CEP290: variants seen among roughly 807,000 people sequenced by gnomAD.
CEP290 encodes centrosomal protein of 290 kDa.
A neutral mutation model predicts 344.9 loss-of-function variants in CEP290; 317 were observed. The ratio of observed to expected loss-of-function variants is 0.92; its 90% CI spans 0.84 to 1.01. The LOEUF (loss-of-function observed/expected upper bound fraction) is 1.01, where lower values mean the gene tolerates loss of function less well. CEP290 is among the 50% of genes least tolerant of loss of function. CEP290 has a pLI of 0.00. For synonymous variants in CEP290, 932 were observed against 895.8 expected, an observed-to-expected ratio of 1.04 and a Z score of -0.72; for missense variants, 2,754 against 2,761.4, an observed-to-expected ratio of 1.00 and a Z score of 0.06.
chr12:88,133,306 T>G lies in CEP290; in HGVS notation c.442-2088A>C, dbSNP rs12305587. On this transcript the variant is annotated intron_variant, in intron 6 of 53. Coordinates refer to ENST00000552810, the MANE Select transcript of CEP290 (RefSeq NM_025114.4). ...TTCACCATACTGGCCAGGCTGGTCT[T>G]GAACTCCTGACCTCAAGTGATCTGC... 4.5e-3 allele frequency among the ~76,000 whole-genome samples: 682 copies of G among 152,026 alleles called. 7 individuals carry two copies. Among genetic ancestry groups the G allele is most frequent in the African/African-American group, 0.016 (663 of 41,496 alleles).
chr12:88,055,519 A>G, intron 50 of CEP290, 57 bp downstream of exon 50: 1 of 1,434,032 alleles, frequency 7.0e-7, no homozygotes, highest in Non-Finnish European at 9.4e-7. Flanking sequence ...CAATGCAAGG[A>G]ACATCTTGCG....
chr12:88,061,048 A>G, intron 46 of CEP290, 54 bp from the exon 47 acceptor site: 2 of 1,290,914 alleles, frequency 1.5e-6, no homozygotes, highest in Non-Finnish European at 2.1e-6. Flanking sequence ...GTATAATACG[A>G]AGTACCAACA....
intron 13 of CEP290, 136 bp from the exon 14 acceptor site, chr12:88,121,302 A>T: frequency 1.5e-6 from 1 of 658,714 alleles, no homozygotes; most frequent in African/African-American, 1.8e-5. Context: ...TATTTGTAAG[A>T]TGAAAGTTTT....
At chr12:88,112,126 G>A (rs1299306405) in intron 20 of CEP290, among the ~76,000 whole-genome samples, 3 of 151,992 alleles carry the variant, frequency 2.0e-5, no homozygotes, top group African/African-American at 7.2e-5. Flanking sequence ...ACAACCAGAC[G>A]GGAATAAGAT....
intron 44 of CEP290, among the ~76,000 whole-genome samples, chr12:88,067,854 GA>G (rs2035059657): frequency 6.6e-6 from 1 of 152,200 alleles, no homozygotes; most frequent in African/African-American, 2.4e-5. Context: ...TAATACCATA[GA>G]ATATTTCTAG....
intron 42 of CEP290, 22 bp from the exon 43 acceptor site, chr12:88,071,471 C>T: frequency 6.3e-7 from 1 of 1,576,560 alleles, no homozygotes; most frequent in East Asian, 2.2e-5. Flanking sequence ...AATATAGAAT[C>T]ATGAAATATA....
At chr12:88,060,241 T>C (rs1331537791) in intron 47 of CEP290, among the ~76,000 whole-genome samples, 2 of 152,190 alleles carry the variant, frequency 1.3e-5, no homozygotes, top group Non-Finnish European at 2.9e-5. Flanking sequence ...TACATATCTG[T>C]GTCAGGACCC....
At chr12:88,068,443 G>C in intron 44 of CEP290, 79 bp downstream of exon 44, 1 of 1,017,870 alleles carries the variant, frequency 9.8e-7, no homozygotes, top group South Asian at 2.3e-5. Flanking sequence ...CTTTTGGCCA[G>C]ATTAAGAAAG....
In CEP290 at chr12:88,089,495, T is replaced by TA. The variant is rs10717563; in HGVS notation, c.3574-9dup. ...CTTTTCATCAGACTGTGCCTGATATTAAAAAAAATATATATTTGTAGTAAG... is the reference window on the plus strand; with the variant it reads ...CTTTTCATCAGACTGTGCCTGATATTAAAAAAAAATATATATTTGTAGTAAG... On this transcript the variant is annotated splice_polypyrimidine_tract_variant and intron_variant, in intron 30 of 53. Transcript: ENST00000552810. 27 of 1,394,758 alleles carry TA rather than the reference T, an allele frequency of 1.9e-5. 1 individual carries two copies. Among genetic ancestry groups the TA allele is most frequent in the Non-Finnish European group, 1.2e-5 (13 of 1,068,348 alleles). 86.4% of individuals were successfully genotyped at this position (1,394,758 alleles called of 1,614,324 possible).
intron 21 of CEP290, 70 bp from the exon 22 acceptor site, chr12:88,111,421 T>C: frequency 7.2e-7 from 1 of 1,381,404 alleles, no homozygotes; most frequent in Non-Finnish European, 9.7e-7. Context: ...GACAGATATG[T>C]GAATGCCCTG....
Position 88,141,402 on chromosome 12 carries a change from C to T in CEP290, c.-27-68G>A, listed in dbSNP as rs548384170. On this transcript the variant is annotated intron_variant, in intron 1 of 53. Transcript: ENST00000552810. ...GTATTATTGGTTTTCTAGCACCTTA[C>T]ATTTTTTGCAGATTATTTCATTATA... 2.1e-5 allele frequency: 15 copies of T among 703,948 alleles called. No homozygotes were observed. In the East Asian group the frequency reaches 4.9e-4, roughly 23 times the overall value. The allele number at this position is 703,948 out of a possible 1,614,324, so 43.6% of individuals were successfully genotyped here.
At chr12:88,055,173 C>G (rs1464955833) in intron 50 of CEP290, among the ~76,000 whole-genome samples, 3 of 151,992 alleles carry the variant, frequency 2.0e-5, no homozygotes. Flanking sequence ...AAAAGGGTTA[C>G]CTGGCAACTG....
intron 4 of CEP290, 131 bp downstream of exon 4, chr12:88,139,364 T>C: frequency 1.9e-6 from 1 of 529,646 alleles, no homozygotes; most frequent in Non-Finnish European, 2.9e-6. Flanking sequence ...AAATATTTAT[T>C]ATTAAATGTT....
chr12:88,072,036 A>G, intron 41 of CEP290, 110 bp from the exon 42 acceptor site: 2 of 995,632 alleles, frequency 2.0e-6, no homozygotes, highest in Admixed American at 7.0e-5. Flanking sequence ...TATTTCCTAG[A>G]GAATATGTAA....
At chr12:88,077,093 C>T in intron 41 of CEP290, 129 bp downstream of exon 41, 2 of 896,146 alleles carry the variant, frequency 2.2e-6, no homozygotes, top group Non-Finnish European at 3.2e-6. Flanking sequence ...TTATAGTCCT[C>T]AAAATTAATA....
At chr12:88,114,650 C>A in intron 19 of CEP290, 88 bp from the exon 20 acceptor site, 2 of 1,061,190 alleles carry the variant, frequency 1.9e-6, no homozygotes, top group Non-Finnish European at 2.6e-6. Context: ...TTCACATATA[C>A]CAAAGACATC....
Position 88,060,817 on chromosome 12 carries a change from T to A in CEP290, c.6522+13A>T, listed in dbSNP as rs1592743605. 5 of 1,418,192 alleles carry A rather than the reference T, an allele frequency of 3.5e-6. No homozygotes were observed. The highest frequency in any genetic ancestry group is 4.7e-6 in the Non-Finnish European group (5 of 1,058,776). The allele number at this position is 1,418,192 out of a possible 1,614,324, so 87.9% of individuals were successfully genotyped here. On this transcript the variant is annotated intron_variant, in intron 47 of 53. Transcript: ENST00000552810. The stretch of plus-strand genomic sequence containing the variant: ...AATATTCCCCTAAAAATGATCACAT[T>A]AAAAAAAATTACCTTCAATTTTTCA...
intron 3 of CEP290, among the ~76,000 whole-genome samples, chr12:88,139,976 G>T (rs997471682): frequency 1.3e-5 from 2 of 152,058 alleles, no homozygotes; most frequent in African/African-American, 4.8e-5. Flanking sequence ...GGCTAGTCTT[G>T]AACTCCCAGG....
intron 26 of CEP290, among the ~76,000 whole-genome samples, chr12:88,097,860 T>A (rs1469667130): frequency 6.6e-6 from 1 of 152,074 alleles, no homozygotes; most frequent in Non-Finnish European, 1.5e-5. Flanking sequence ...CAGTGACAGA[T>A]GATGATGTTT....
Sources: gnomAD v4.1 joint callset for allele counts (sites outside exome capture counted in the v4.1 genomes callset) on GRCh38, gnomAD v4.1.1 for gene constraint, MANE v1.5 for transcripts, NCBI Gene and HGNC (gene_info 2026-07-23, HGNC 2026-07-21) for gene names.